The following ADAMTS19 variants were observed in gnomAD, a reference collection of about 807,000 sequenced individuals.
ADAMTS19 encodes the protein A disintegrin and metalloproteinase with thrombospondin motifs 19.
In ADAMTS19, 93 loss-of-function variants were observed where a neutral mutation model predicts 153.3. The ratio of observed to expected loss-of-function variants is 0.61; its 90% CI spans 0.51 to 0.72. The LOEUF (loss-of-function observed/expected upper bound fraction) is 0.72. Ranked by LOEUF, ADAMTS19 falls within the 30% of genes least tolerant of loss-of-function variation. The probability of loss-of-function intolerance (pLI) is 0.00; values close to 1 mark genes in which losing one functional copy is unlikely to be tolerated. For missense variants in ADAMTS19, 1,482 were observed against 1,552.1 expected (o/e 0.95, Z 0.76); for synonymous variants, 600 against 556.6 (o/e 1.08, Z -1.10).
rs574825855 is a variant in ADAMTS19 at position 129,513,646 on chromosome 5, A to G, written c.913+4404A>G. Among the ~76,000 whole-genome samples the G allele has an allele frequency of 7.7e-3, 1,174 of 151,712 alleles. 11 individuals carry two copies. Among genetic ancestry groups the G allele is most frequent in the African/African-American group, 0.025 (1,048 of 41,382 alleles). On this transcript the variant is annotated intron_variant, in intron 3 of 22. Transcript: ENST00000274487. The stretch of plus-strand genomic sequence containing the variant: ...TGTATCCTCATTTCTTATTTTTTTT[A>G]AATTTTTTTGTGGGTACATAGTAGG...
intron 10 of ADAMTS19, among the ~76,000 whole-genome samples, chr5:129,631,513 G>A (rs1033216777): frequency 6.6e-6 from 1 of 151,766 alleles, no homozygotes; most frequent in Non-Finnish European, 1.5e-5. Flanking sequence ...ACCTCGTAAG[G>A]CTTTATTGCA....
chr5:129,502,036 GGGAATCATCTCCATAAA>G (rs1331190137), intron 2 of ADAMTS19, among the ~76,000 whole-genome samples: 1 of 151,974 alleles, frequency 6.6e-6, no homozygotes, highest in Non-Finnish European at 1.5e-5. Context: ...GAGGGGGTTG[GGGAATCATCTCCATAAA>G]GGAGGTTATA....
intron 7 of ADAMTS19, among the ~76,000 whole-genome samples, chr5:129,580,564 T>G (rs1749463902): frequency 6.6e-6 from 1 of 152,264 alleles, no homozygotes; most frequent in Admixed American, 6.5e-5. Context: ...ATATTGGCAG[T>G]GGGTTTTTCA....
At chr5:129,518,875 T>G (rs958695416) in intron 3 of ADAMTS19, among the ~76,000 whole-genome samples, 5 of 152,172 alleles carry the variant, frequency 3.3e-5, no homozygotes, top group Non-Finnish European at 5.9e-5. Context: ...TTCATTGTTT[T>G]TTATTCTTTT....
chr5:129,506,623 C>A (rs1026408586), intron 2 of ADAMTS19, among the ~76,000 whole-genome samples: 6 of 151,796 alleles, frequency 4.0e-5, no homozygotes, highest in African/African-American at 1.2e-4. Context: ...CAAATCCTAA[C>A]AAAACAACAA....
chr5:129,596,978 T>C (rs777410069), intron 8 of ADAMTS19, among the ~76,000 whole-genome samples: 3 of 152,180 alleles, frequency 2.0e-5, no homozygotes, highest in African/African-American at 4.8e-5. Context: ...ACTACAAAGC[T>C]ATAAACTTTT....
intron 7 of ADAMTS19, among the ~76,000 whole-genome samples, chr5:129,573,529 A>G (rs1436264944): frequency 1.3e-5 from 2 of 152,070 alleles, no homozygotes; most frequent in African/African-American, 4.8e-5. Flanking sequence ...AGCACATAGC[A>G]TAGTCACCTG....
chr5:129,466,039 G>A (rs1749844343), intron 2 of ADAMTS19, among the ~76,000 whole-genome samples: 2 of 152,178 alleles, frequency 1.3e-5, no homozygotes, highest in Non-Finnish European at 2.9e-5. Context: ...CCTAGAACAA[G>A]AGCAGGATTT....
At chr5:129,571,775 A>T (rs1753918053) in intron 7 of ADAMTS19, among the ~76,000 whole-genome samples, 1 of 151,874 alleles carries the variant, frequency 6.6e-6, no homozygotes, top group Non-Finnish European at 1.5e-5. Flanking sequence ...GGGTTTAGTA[A>T]TCAAGACAGT....
intron 2 of ADAMTS19, among the ~76,000 whole-genome samples, chr5:129,494,851 T>C (rs1039954425): frequency 6.6e-6 from 1 of 152,158 alleles, no homozygotes; most frequent in African/African-American, 2.4e-5. Flanking sequence ...TCAGAGTTTA[T>C]CTTGATACTG....
chr5:129,658,351 A>AAGAAAGAGAGAGAGAGAG (rs1554103338), intron 14 of ADAMTS19, among the ~76,000 whole-genome samples: 54 of 133,184 alleles, frequency 4.1e-4, no homozygotes, highest in Non-Finnish European at 7.2e-4. Context: ...GAAAGAAAGA[A>AAGAAAGAGAGAGAGAGAG]AGAAAGAAAG....
intron 3 of ADAMTS19, among the ~76,000 whole-genome samples, chr5:129,513,835 T>C (rs1034654520): frequency 4.6e-5 from 7 of 152,106 alleles, no homozygotes; most frequent in Non-Finnish European, 2.9e-5. Flanking sequence ...AATTAAGTTA[T>C]TATTGACTAT....
chr5:129,525,197 T>C (rs1471873198), intron 3 of ADAMTS19, among the ~76,000 whole-genome samples: 1 of 152,118 alleles, frequency 6.6e-6, no homozygotes, highest in Non-Finnish European at 1.5e-5. Flanking sequence ...GGTATGCAAA[T>C]ATTCAACTTT....
At chr5:129,499,708 G>A (rs1017621254) in intron 2 of ADAMTS19, among the ~76,000 whole-genome samples, 5 of 152,090 alleles carry the variant, frequency 3.3e-5, no homozygotes, top group Non-Finnish European at 5.9e-5. Context: ...CAGTGTCCAA[G>A]AAAATATAGA....
At chr5:129,709,428 A>G (rs1462050514) in intron 21 of ADAMTS19, among the ~76,000 whole-genome samples, 1 of 152,168 alleles carries the variant, frequency 6.6e-6, no homozygotes, top group Non-Finnish European at 1.5e-5. Flanking sequence ...TACCATAAAT[A>G]TTATTGATGT....
chr5:129,665,625 C>A, intron 16 of ADAMTS19, 46 bp downstream of exon 16: 1 of 1,443,370 alleles, frequency 6.9e-7, no homozygotes, highest in Non-Finnish European at 9.6e-7. Context: ...ACGAGCCCAA[C>A]TCCCTGCCCT....
chr5:129,491,511 T>C (rs1561537062), intron 2 of ADAMTS19, among the ~76,000 whole-genome samples: 2 of 152,204 alleles, frequency 1.3e-5, no homozygotes, highest in Non-Finnish European at 2.9e-5. Context: ...GTTTCTTCTA[T>C]TGTGAATTTC....
At chr5:129,479,675 T>C (rs74548469) in intron 2 of ADAMTS19, among the ~76,000 whole-genome samples, 3,613 of 152,162 alleles carry the variant, frequency 0.024, 145 homozygotes, top group African/African-American at 0.082. Context: ...CGATTATAAA[T>C]TAAAATTTTA....
intron 7 of ADAMTS19, among the ~76,000 whole-genome samples, chr5:129,568,352 C>T (rs1331495261): frequency 1.1e-5 from 1 of 94,092 alleles, no homozygotes; most frequent in Non-Finnish European, 2.6e-5. Context: ...AAGACAACAA[C>T]AGTAATACAT....
Sources: allele counts gnomAD v4.1 joint callset (sites outside exome capture counted in the v4.1 genomes callset), GRCh38; gene constraint gnomAD v4.1.1; transcripts MANE v1.5; gene names NCBI Gene and HGNC (gene_info 2026-07-23, HGNC 2026-07-21).